The following ZNHIT6 variants were observed in gnomAD, a reference collection of about 807,000 sequenced individuals.
ZNHIT6 encodes the protein zinc finger HIT-type containing 6.
A neutral mutation model predicts 57.2 loss-of-function variants in ZNHIT6; 45 were observed. The observed-to-expected ratio is 0.79, with a 90% CI of 0.62 to 1.01. The LOEUF (loss-of-function observed/expected upper bound fraction) is 1.01. Ranked by LOEUF, ZNHIT6 falls within the 50% of genes least tolerant of loss-of-function variation. The pLI is 0.00. For synonymous variants in ZNHIT6, 188 were observed against 190.0 expected (o/e 0.99, Z 0.09); for missense variants, 528 against 567.3 (o/e 0.93, Z 0.70).
intron 8 of ZNHIT6, among the ~76,000 whole-genome samples, chr1:85,669,240 A>G (rs1279472620): frequency 6.6e-6 from 1 of 152,166 alleles, no homozygotes; most frequent in Non-Finnish European, 1.5e-5. Context: ...GCAAGCCAAA[A>G]GAGGTCAGGT....
chr1:85,673,276 A>G (rs821379), intron 8 of ZNHIT6, among the ~76,000 whole-genome samples: 60,902 of 152,036 alleles, frequency 0.4, 13,448 homozygotes, highest in South Asian at 0.57. Context: ...AATTTATTTA[A>G]AAAGCTATAA....
At chr1:85,706,009 T>TA (rs370671489) in intron 4 of ZNHIT6, 69 bp downstream of exon 4, 13,633 of 1,103,514 alleles carry the variant, frequency 0.012, 6 homozygotes, top group African/African-American at 0.018. Context: ...TTTGGTAAGT[T>TA]AAAAAAAAAA....
Position 85,705,269 on chromosome 1 carries a change from A to G in ZNHIT6, c.915+809T>C, listed in dbSNP as rs185517441. 4.7e-4 allele frequency among the ~76,000 whole-genome samples: 71 copies of G among 152,210 alleles called. No individual in the cohort carries two copies. The East Asian group carries it at 0.013, about 27-fold the overall frequency. On this transcript the variant is annotated intron_variant, in intron 4 of 9. Transcript: ENST00000370574. ...CACTCTGTTGCCCAGGCTGGAGTGTAGTGGCGCAATCATGGCTCACTGCAG... is the reference window on the plus strand; with the variant it reads ...CACTCTGTTGCCCAGGCTGGAGTGTGGTGGCGCAATCATGGCTCACTGCAG...
At chr1:85,705,921 G>A (rs1157230856) in intron 4 of ZNHIT6, among the ~76,000 whole-genome samples, 157 bp downstream of exon 4, 1 of 151,946 alleles carries the variant, frequency 6.6e-6, no homozygotes, top group African/African-American at 2.4e-5. Flanking sequence ...ACTCCACGAG[G>A]GGACGGACTT....
At chr1:85,663,479 T>C (rs1661279974) in intron 8 of ZNHIT6, among the ~76,000 whole-genome samples, 1 of 152,228 alleles carries the variant, frequency 6.6e-6, no homozygotes, top group Non-Finnish European at 1.5e-5. Context: ...TGTGAAAATG[T>C]TATAAGCATT....
At chr1:85,672,577 C>T (rs1661588624) in intron 8 of ZNHIT6, among the ~76,000 whole-genome samples, 1 of 152,132 alleles carries the variant, frequency 6.6e-6, no homozygotes, top group Non-Finnish European at 1.5e-5. Context: ...CTTCTGATGA[C>T]ATGAGGATAC....
Position 85,708,233 on chromosome 1 carries a change from C to A in ZNHIT6, c.52G>T (p.Val18Leu). The A allele has an allele frequency of 6.2e-7, 1 of 1,612,432 alleles. No homozygotes were observed. The highest frequency in any genetic ancestry group is 8.5e-7 in the Non-Finnish European group (1 of 1,178,742). Residue 18 changes from valine (V) to leucine (L), a missense_variant, in exon 1 of 10, where the codon GTA becomes TTA. Physicochemically the swap from Val to Leu is conservative, Grantham distance 32. Coordinates refer to ENST00000370574, the MANE Select transcript of ZNHIT6 (RefSeq NM_017953.4). Reference protein sequence around the residue: ...EGKSGGGLHSVAEGVRLSPEP... With the variant: ...EGKSGGGLHSLAEGVRLSPEP... ...GGACTTAGCCGCACCCCCTCAGCTA[C>A]GCTGTGGAGACCTCCCCCAGACTTC... is the stretch of plus-strand genomic sequence containing the variant.
chr1:85,661,089 T>C (rs1661207594), intron 8 of ZNHIT6, among the ~76,000 whole-genome samples: 1 of 152,236 alleles, frequency 6.6e-6, no homozygotes, highest in Non-Finnish European at 1.5e-5. Context: ...TTACTCTTAA[T>C]CTACCATTAA....
chr1:85,691,066 T>C (rs1295970309), intron 5 of ZNHIT6, among the ~76,000 whole-genome samples: 1 of 152,174 alleles, frequency 6.6e-6, no homozygotes, highest in Non-Finnish European at 1.5e-5. Context: ...GTATCTATTC[T>C]GCATTTTGAA....
chr1:85,666,924 T>C (rs770509024), intron 8 of ZNHIT6, among the ~76,000 whole-genome samples: 2 of 152,232 alleles, frequency 1.3e-5, no homozygotes, highest in Non-Finnish European at 2.9e-5. Flanking sequence ...ATTCTCGCTT[T>C]CTTTTAGAAT....
At chr1:85,658,531 A>G (rs1003818337) in intron 8 of ZNHIT6, among the ~76,000 whole-genome samples, 1 of 151,824 alleles carries the variant, frequency 6.6e-6, no homozygotes, top group South Asian at 2.1e-4. Context: ...TGACCAGCCT[A>G]CAAGTTATCA....
chr1:85,708,390 G>T lies in ZNHIT6; in HGVS notation c.-106C>A. ...GAATACCTACGGCGGCCCACGTGTG[G>T]AGCCAAGCAGCCACAAACCCGGAAT... On this transcript the variant is annotated 5_prime_UTR_variant, in exon 1 of 10. Transcript: ENST00000370574. 7.1e-7 allele frequency: 1 copy of T among 1,407,348 alleles called. No homozygotes were observed. The highest frequency in any genetic ancestry group is 9.5e-7 in the Non-Finnish European group (1 of 1,056,938). The allele number at this position is 1,407,348 out of a possible 1,614,324, so 87.2% of individuals were successfully genotyped here.
intron 9 of ZNHIT6, among the ~76,000 whole-genome samples, chr1:85,657,265 A>G (rs1324563716): frequency 6.6e-6 from 1 of 152,052 alleles, no homozygotes; most frequent in African/African-American, 2.4e-5. Flanking sequence ...ACAAAATCAG[A>G]GAAACAAAAT....
intron 5 of ZNHIT6, among the ~76,000 whole-genome samples, chr1:85,692,341 T>C (rs1000653295): frequency 1.3e-5 from 2 of 152,170 alleles, no homozygotes; most frequent in African/African-American, 4.8e-5. Flanking sequence ...CTGTGGAAAG[T>C]TACACCCTCT....
In ZNHIT6 at chr1:85,680,741, T is replaced by C. The variant is rs113302569; in HGVS notation, c.1088+95A>G. 1,233 of 869,954 alleles carry C rather than the reference T, an allele frequency of 1.4e-3. 15 individuals are homozygous for C. In the African/African-American group the frequency reaches 0.019, roughly 13 times the overall value. The allele number at this position is 869,954 out of a possible 1,614,324, so 53.9% of individuals were successfully genotyped here. A position where few individuals can be genotyped will look rare whatever the true frequency, so the allele number is the denominator to read the frequency against. ...TTGTATAAATACACCACAATTTAGT[T>C]ATCCATTCTACTACTGACATTAAGT... On this transcript the variant is annotated intron_variant, in intron 6 of 9. Coordinates refer to ENST00000370574, the MANE Select transcript of ZNHIT6 (RefSeq NM_017953.4).
intron 5 of ZNHIT6, among the ~76,000 whole-genome samples, chr1:85,695,953 G>T (rs9324154): frequency 0.4 from 60,821 of 151,972 alleles, 13,423 homozygotes; most frequent in South Asian, 0.57. Flanking sequence ...GGAGAATGGT[G>T]TGAACCCGGG....
intron 8 of ZNHIT6, among the ~76,000 whole-genome samples, chr1:85,658,992 A>G (rs1297730530): frequency 6.6e-6 from 1 of 152,216 alleles, no homozygotes; most frequent in Non-Finnish European, 1.5e-5. Context: ...AAAGACAACC[A>G]ATCACCTTAT....
At chr1:85,706,596 G>T in intron 1 of ZNHIT6, 89 bp from the exon 2 acceptor site, 2 of 1,196,576 alleles carry the variant, frequency 1.7e-6, no homozygotes, top group Non-Finnish European at 2.2e-6. Flanking sequence ...TATAAACTCA[G>T]TGACAAGTAA....
chr1:85,677,181 AT>A, intron 8 of ZNHIT6, 54 bp downstream of exon 8: 1 of 1,360,314 alleles, frequency 7.4e-7, no homozygotes. Context: ...AAGCTACTTA[AT>A]TATATTACAG....
Sources: gnomAD v4.1 joint callset for allele counts (sites outside exome capture counted in the v4.1 genomes callset) on GRCh38, gnomAD v4.1.1 for gene constraint, MANE v1.5 for transcripts, NCBI Gene and HGNC (gene_info 2026-07-23, HGNC 2026-07-21) for gene names.